The following FOXN3 variants were observed in gnomAD, a reference collection of about 807,000 sequenced individuals.
FOXN3 encodes forkhead box N3, also known as forkhead box protein N3.
In FOXN3, 7 loss-of-function variants were observed where a neutral mutation model predicts 38.4. The ratio of observed to expected loss-of-function variants is 0.18; its 90% CI spans 0.10 to 0.34. FOXN3 has a LOEUF of 0.34. FOXN3 is among the 10% of genes least tolerant of loss of function. The probability of loss-of-function intolerance (pLI) is 1.00; values close to 1 mark genes in which losing one functional copy is unlikely to be tolerated. For missense variants in FOXN3, 456 were observed against 613.4 expected (o/e 0.74, Z 2.71); for synonymous variants, 230 against 242.2 (o/e 0.95, Z 0.47).
intron 2 of FOXN3, among the ~76,000 whole-genome samples, chr14:89,385,599 G>T (rs1380095526): frequency 6.6e-6 from 1 of 151,760 alleles, no homozygotes; most frequent in East Asian, 1.9e-4. Flanking sequence ...CCTGAGGTCG[G>T]GAGTTCAAGG....
At chr14:89,291,554 G>A in intron 3 of FOXN3, 4 of 568,572 alleles carry the variant, frequency 7.0e-6, no homozygotes, top group Admixed American at 3.9e-5. Context: ...GCAGCTGACA[G>A]CCCACTCCAG....
chr14:89,514,510 A>G (rs1210590184), intron 1 of FOXN3, among the ~76,000 whole-genome samples: 1 of 152,206 alleles, frequency 6.6e-6, no homozygotes, highest in African/African-American at 2.4e-5. Flanking sequence ...TCTGAGAGCT[A>G]GAGCCTTAGA....
intron 1 of FOXN3, among the ~76,000 whole-genome samples, chr14:89,508,666 C>T (rs1893998241): frequency 6.6e-6 from 1 of 152,196 alleles, no homozygotes; most frequent in African/African-American, 2.4e-5. Flanking sequence ...TTCTGATGCC[C>T]AAAGTCACAG....
chr14:89,244,042 C>G (rs924780921), intron 4 of FOXN3, among the ~76,000 whole-genome samples: 2 of 152,202 alleles, frequency 1.3e-5, no homozygotes, highest in Non-Finnish European at 2.9e-5. Flanking sequence ...GAAACAGCTA[C>G]AGACAAACCA....
rs1887099595 is a variant in FOXN3 at position 89,161,556 on chromosome 14, C to CGTGTGGGT, written c.*857_*858insACCCACAC. ...CCATCAGTTTTCTCTCTCTCTCCTT[C>CGTGTGGGT]GTGTGTGTGTGTGTGTGTGTGTGTG... On this transcript the variant is annotated 3_prime_UTR_variant, in exon 6 of 6. Coordinates refer to ENST00000557258, the MANE Select transcript of FOXN3 (RefSeq NM_005197.4). 1.8e-5 allele frequency: 2 copies of CGTGTGGGT among 109,390 alleles called. No homozygotes were observed. Among genetic ancestry groups the CGTGTGGGT allele is most frequent in the South Asian group, 6.4e-4 (2 of 3,122 alleles). The allele number at this position is 109,390 out of a possible 1,614,324, so 6.8% of individuals were successfully genotyped here.
At position 89,388,702 on chromosome 14, in the gene FOXN3, T is replaced by C. The variant is rs192548939; in HGVS notation, c.543+23232A>G. Among the ~76,000 whole-genome samples the C allele has an allele frequency of 2.0e-5, 3 of 151,616 alleles. No homozygotes were observed. The East Asian group carries it at 5.9e-4, about 30-fold the overall frequency. On this transcript the variant is annotated intron_variant, in intron 2 of 5. Transcript: ENST00000557258. ...CTCAGAGAAGACCTCTCTGAAGGGG[T>C]GTCATTAAAGCTGGACCCTGATAAA...
chr14:89,514,713 G>A (rs1894167832), intron 1 of FOXN3, among the ~76,000 whole-genome samples: 2 of 152,184 alleles, frequency 1.3e-5, no homozygotes, highest in African/African-American at 4.8e-5. Context: ...CATTCAGCCT[G>A]TGCTTTCGAG....
At chr14:89,461,336 CAAA>C (rs750351493) in intron 1 of FOXN3, among the ~76,000 whole-genome samples, 1 of 129,006 alleles carries the variant, frequency 7.8e-6, no homozygotes, top group Non-Finnish European at 1.7e-5. Context: ...GGCTCTGTCT[CAAA>C]AAAAAAAAAA....
chr14:89,495,022 T>G (rs1481116143), intron 1 of FOXN3, among the ~76,000 whole-genome samples: 2 of 152,198 alleles, frequency 1.3e-5, no homozygotes, highest in Non-Finnish European at 2.9e-5. Context: ...CCAAAATGTA[T>G]GGTTATTGGT....
intron 1 of FOXN3, among the ~76,000 whole-genome samples, chr14:89,443,580 G>A (rs1025077223): frequency 2.6e-5 from 4 of 152,204 alleles, no homozygotes; most frequent in African/African-American, 7.2e-5. Flanking sequence ...ATATTCTACC[G>A]TGTTCTTTAC....
At chr14:89,226,898 T>C (rs1317514211) in intron 4 of FOXN3, among the ~76,000 whole-genome samples, 1 of 152,204 alleles carries the variant, frequency 6.6e-6, no homozygotes, top group Non-Finnish European at 1.5e-5. Context: ...CTGGAACAGA[T>C]TCTTCCCCAG....
intron 3 of FOXN3, among the ~76,000 whole-genome samples, chr14:89,309,940 T>C (rs1887481726): frequency 6.6e-6 from 1 of 152,166 alleles, no homozygotes; most frequent in African/African-American, 2.4e-5. Context: ...TAAAAACAGG[T>C]CTGTATCTAA....
chr14:89,243,230 CT>C (rs1456021794), intron 4 of FOXN3, among the ~76,000 whole-genome samples: 17 of 152,174 alleles, frequency 1.1e-4, no homozygotes, highest in African/African-American at 4.1e-4. Flanking sequence ...AAAGCAAAGC[CT>C]ACTTGCCAGA....
At chr14:89,353,041 C>T (rs1362896672) in intron 2 of FOXN3, among the ~76,000 whole-genome samples, 2 of 152,152 alleles carry the variant, frequency 1.3e-5, no homozygotes, top group Non-Finnish European at 2.9e-5. Context: ...AGAATAAACC[C>T]CCAGGACTGT....
intron 4 of FOXN3, among the ~76,000 whole-genome samples, chr14:89,227,583 G>A (rs1413875204): frequency 6.6e-6 from 1 of 152,158 alleles, no homozygotes; most frequent in East Asian, 1.9e-4. Context: ...AATTTTTGTG[G>A]GGTGATTGTG....
chr14:89,388,170 C>T (rs1272748627), intron 2 of FOXN3, among the ~76,000 whole-genome samples: 14 of 152,158 alleles, frequency 9.2e-5, no homozygotes, highest in Non-Finnish European at 2.1e-4. Context: ...GGCAACAGAA[C>T]AAGATTCCGT....
chr14:89,296,804 T>G (rs1887053498), intron 3 of FOXN3, among the ~76,000 whole-genome samples: 1 of 152,184 alleles, frequency 6.6e-6, no homozygotes, highest in African/African-American at 2.4e-5. Flanking sequence ...CCTGGCTAAT[T>G]TTTGTATTCT....
intron 4 of FOXN3, among the ~76,000 whole-genome samples, chr14:89,252,132 C>A (rs1236679533): frequency 2.6e-5 from 4 of 152,154 alleles, no homozygotes; most frequent in Non-Finnish European, 5.9e-5. Flanking sequence ...GATTCTTATG[C>A]CCGTTTAACA....
chr14:89,160,666 G>A lies in FOXN3; in HGVS notation c.*1748C>T, dbSNP rs1257186865. On this transcript the variant is annotated 3_prime_UTR_variant, in exon 6 of 6. Transcript: ENST00000557258. ...CAAATTATTGCGTCATGTTAAACAT[G>A]TACAGACAGAGAGAAAGGACACACT... 6.6e-6 allele frequency: 1 copy of A among 152,616 alleles called. No individual in the cohort carries two copies. Among genetic ancestry groups the A allele is most frequent in the African/African-American group, 2.4e-5 (1 of 41,420 alleles). 9.5% of individuals were successfully genotyped at this position (152,616 alleles called of 1,614,324 possible).
Sources: gnomAD v4.1 joint callset for allele counts (sites outside exome capture counted in the v4.1 genomes callset) on GRCh38, gnomAD v4.1.1 for gene constraint, MANE v1.5 for transcripts, NCBI Gene and HGNC (gene_info 2026-07-23, HGNC 2026-07-21) for gene names.